The following ADK variants were observed in gnomAD, a reference collection of about 807,000 sequenced individuals.
ADK encodes the protein N6,N6-dimethyladenosine kinase.
A neutral mutation model predicts 44.7 loss-of-function variants in ADK; 24 were observed. That is an observed-to-expected ratio of 0.54 (90% CI 0.39 to 0.76). The LOEUF is 0.76. Ranked by LOEUF, ADK falls within the 30% of genes least tolerant of loss-of-function variation. The pLI is 0.00. For missense variants in ADK, 321 were observed against 425.1 expected (o/e 0.76, Z 2.15); for synonymous variants, 128 against 142.6 (o/e 0.90, Z 0.73).
In ADK at chr10:74,600,483, A is replaced by G; in HGVS notation, c.867A>G (p.Ile289Met). The stretch of plus-strand genomic sequence containing the variant: ...TCACCCAAGGGAGAGATGACACTAT[A>G]ATGGCTACAGGTACATGTGGGAAAT... The part of the protein sequence containing the change: ...VIFTQGRDDT[I>M]MATESEVTAF... Residue 289 changes from isoleucine to methionine, a missense_variant, in exon 9 of 11, where the codon ATA (isoleucine) becomes ATG (methionine). Ile to Met is a conservative substitution (Grantham distance 10). Transcript: ENST00000539909. The G allele has an allele frequency of 6.2e-7, 1 of 1,607,062 alleles. No individual in the cohort carries two copies. Among genetic ancestry groups the G allele is most frequent in the Non-Finnish European group, 8.5e-7 (1 of 1,174,930 alleles).
At chr10:74,292,440 A>G (rs1370523183) in intron 3 of ADK, among the ~76,000 whole-genome samples, 1 of 152,198 alleles carries the variant, frequency 6.6e-6, no homozygotes, top group Non-Finnish European at 1.5e-5. Flanking sequence ...GTCCTTAGTC[A>G]TAGCAATATT....
intron 6 of ADK, among the ~76,000 whole-genome samples, chr10:74,502,012 T>C (rs1847901488): frequency 6.6e-6 from 1 of 152,114 alleles, no homozygotes; most frequent in East Asian, 1.9e-4. Flanking sequence ...ATTTAAGACT[T>C]AACTGAATTC....
chr10:74,253,794 G>A (rs1845732632), intron 3 of ADK, among the ~76,000 whole-genome samples: 1 of 133,968 alleles, frequency 7.5e-6, no homozygotes, highest in African/African-American at 2.8e-5. Context: ...TTAAGATGGA[G>A]TCTCCTCTGT....
intron 3 of ADK, among the ~76,000 whole-genome samples, chr10:74,267,790 G>GTGTGTGTGTGTGTGTCTGTC (rs35081179): frequency 1.4e-5 from 2 of 145,598 alleles, no homozygotes; most frequent in African/African-American, 2.7e-5. Context: ...GTGTGTGTGT[G>GTGTGTGTGTGTGTGTCTGTC]TGTCTGTCTG....
chr10:74,623,739 A>T (rs758301844), intron 9 of ADK, among the ~76,000 whole-genome samples: 1 of 151,686 alleles, frequency 6.6e-6, no homozygotes, highest in Non-Finnish European at 1.5e-5. Context: ...ATATATACAC[A>T]CACATTAGTC....
At chr10:74,187,971 G>A (rs1243860263) in intron 1 of ADK, among the ~76,000 whole-genome samples, 2 of 152,194 alleles carry the variant, frequency 1.3e-5, no homozygotes, top group Non-Finnish European at 2.9e-5. Context: ...GAATTAATCA[G>A]TGCAGCCGTG....
intron 1 of ADK, among the ~76,000 whole-genome samples, chr10:74,156,880 T>C (rs556460666): frequency 2.6e-5 from 4 of 152,070 alleles, no homozygotes; most frequent in Non-Finnish European, 4.4e-5. Context: ...AAGGAAAAGA[T>C]ATAGATATAC....
intron 9 of ADK, among the ~76,000 whole-genome samples, chr10:74,646,135 C>T (rs754217805): frequency 6.6e-6 from 1 of 152,202 alleles, no homozygotes; most frequent in Non-Finnish European, 1.5e-5. Context: ...ACAGTGCCCT[C>T]ATGCATCTTG....
intron 10 of ADK, among the ~76,000 whole-genome samples, chr10:74,683,742 T>C (rs923466197): frequency 2.6e-5 from 4 of 152,234 alleles, no homozygotes; most frequent in African/African-American, 9.6e-5. Context: ...TTGAAACAAG[T>C]AACATTTTTA....
At chr10:74,654,667 C>T (rs1308017666) in intron 9 of ADK, among the ~76,000 whole-genome samples, 1 of 152,148 alleles carries the variant, frequency 6.6e-6, no homozygotes, top group Non-Finnish European at 1.5e-5. Context: ...CAAAAATTAG[C>T]CGGGTGTGGT....
At chr10:74,648,451 A>T (rs1337024907) in intron 9 of ADK, among the ~76,000 whole-genome samples, 1 of 152,164 alleles carries the variant, frequency 6.6e-6, no homozygotes, top group East Asian at 1.9e-4. Context: ...AGGCCAAGGC[A>T]GGCAGATCAT....
At chr10:74,321,689 T>G (rs1368075002) in intron 4 of ADK, among the ~76,000 whole-genome samples, 1 of 152,234 alleles carries the variant, frequency 6.6e-6, no homozygotes, top group Non-Finnish European at 1.5e-5. Context: ...TCCAGTAAAA[T>G]TTTAACCATG....
intron 3 of ADK, among the ~76,000 whole-genome samples, chr10:74,298,856 A>T (rs1485021796): frequency 6.6e-6 from 1 of 152,184 alleles, no homozygotes; most frequent in Non-Finnish European, 1.5e-5. Context: ...AGATGGGAGG[A>T]TCCGTTTGAT....
At chr10:74,319,559 T>A (rs1257364082) in intron 4 of ADK, among the ~76,000 whole-genome samples, 6 of 152,188 alleles carry the variant, frequency 3.9e-5, no homozygotes, top group Admixed American at 1.3e-4. Context: ...GTAGTCACAT[T>A]GTGAGATACT....
intron 6 of ADK, among the ~76,000 whole-genome samples, chr10:74,462,004 G>T (rs1846187348): frequency 6.6e-6 from 1 of 152,020 alleles, no homozygotes; most frequent in African/African-American, 2.4e-5. Flanking sequence ...TATGTTGGTT[G>T]TTGAGTTATT....
At chr10:74,708,188 C>A in intron 10 of ADK, 133 bp from the exon 11 acceptor site, 2 of 925,848 alleles carry the variant, frequency 2.2e-6, no homozygotes, top group Non-Finnish European at 3.4e-6. Context: ...CTAACGGTAA[C>A]GCACAAGACT....
At chr10:74,234,465 C>A (rs1033371951) in intron 3 of ADK, among the ~76,000 whole-genome samples, 1 of 152,016 alleles carries the variant, frequency 6.6e-6, no homozygotes, top group Admixed American at 6.5e-5. Flanking sequence ...GACTTAGGAA[C>A]CTTTTTTAAA....
chr10:74,267,584 A>G (rs1343920758), intron 3 of ADK, among the ~76,000 whole-genome samples: 2 of 152,142 alleles, frequency 1.3e-5, no homozygotes, highest in African/African-American at 4.8e-5. Flanking sequence ...ACCCTAACTC[A>G]TACTGGCTTA....
intron 6 of ADK, among the ~76,000 whole-genome samples, chr10:74,412,998 C>T (rs945182898): frequency 4.6e-5 from 7 of 151,728 alleles, no homozygotes; most frequent in African/African-American, 1.2e-4. Context: ...GCGGAGGTTG[C>T]GGTGAGCCAA....
Sources: gnomAD v4.1 joint callset for allele counts (sites outside exome capture counted in the v4.1 genomes callset) on GRCh38, gnomAD v4.1.1 for gene constraint, MANE v1.5 for transcripts, NCBI Gene and HGNC (gene_info 2026-07-23, HGNC 2026-07-21) for gene names.